Variants in ALG6 observed in about 807,000 individuals in gnomAD.
The protein encoded by ALG6 is dolichyl pyrophosphate Man9GlcNAc2 alpha-1,3-glucosyltransferase.
In ALG6, 46 loss-of-function variants were observed where a neutral mutation model predicts 66.6. The ratio of observed to expected loss-of-function variants is 0.69; its 90% CI spans 0.55 to 0.88. The LOEUF (loss-of-function observed/expected upper bound fraction) is 0.88. ALG6 is among the 40% of genes least tolerant of loss of function. The probability of loss-of-function intolerance (pLI) is 0.00; values close to 1 mark genes in which losing one functional copy is unlikely to be tolerated. For missense variants in ALG6, 505 were observed against 586.8 expected (o/e 0.86, Z 1.44); for synonymous variants, 185 against 203.7 (o/e 0.91, Z 0.78).
Position 63,396,604 on chromosome 1 carries a change from T to C in ALG6, c.167+7T>C, listed in dbSNP as rs374146302. The stretch of plus-strand genomic sequence containing the variant: ...ATTTACCGGTCAAACAATGGTATGA[T>C]AATTTTAACTTGTTTTTCTTGTTTA... On this transcript the variant is annotated splice_region_variant and intron_variant, in intron 3 of 14. Coordinates refer to ENST00000263440, the MANE Select transcript of ALG6 (RefSeq NM_013339.4). 60 of 1,606,162 alleles carry C rather than the reference T, an allele frequency of 3.7e-5. No homozygotes were observed. The highest frequency in any genetic ancestry group is 5.0e-5 in the Non-Finnish European group (59 of 1,172,968).
intron 2 of ALG6, among the ~76,000 whole-genome samples, chr1:63,383,093 G>T (rs111717449): frequency 0.015 from 2,248 of 149,794 alleles, 70 homozygotes; most frequent in African/African-American, 0.052. Flanking sequence ...GATTACAGGC[G>T]TGAGCCACCA....
intron 6 of ALG6, 58 bp downstream of exon 6, chr1:63,406,457 C>CTAT: frequency 7.0e-7 from 1 of 1,421,410 alleles, no homozygotes; most frequent in Non-Finnish European, 9.9e-7. Context: ...ATTAGTCTAA[C>CTAT]TATTAAGTAT....
intron 2 of ALG6, among the ~76,000 whole-genome samples, chr1:63,382,665 GTT>G (rs59236936): frequency 1.1e-5 from 1 of 93,600 alleles, no homozygotes; most frequent in Admixed American, 1.1e-4. Flanking sequence ...GTTTTTTTTT[GTT>G]TTTTTTTTTT....
intron 10 of ALG6, 97 bp downstream of exon 10, chr1:63,414,243 T>C (rs966160407): frequency 4.0e-5 from 38 of 952,944 alleles, no homozygotes; most frequent in Admixed American, 2.8e-4. Flanking sequence ...GGGAATGAGG[T>C]GTTTTTCTTT....
chr1:63,422,181 T>A (rs1172758331), intron 12 of ALG6, among the ~76,000 whole-genome samples: 3 of 72,616 alleles, frequency 4.1e-5, no homozygotes, highest in African/African-American at 5.9e-5. Flanking sequence ...GAATTTATAT[T>A]TATATAAATA....
intron 2 of ALG6, among the ~76,000 whole-genome samples, chr1:63,381,192 C>G (rs886662682): frequency 6.6e-6 from 1 of 152,078 alleles, no homozygotes; most frequent in Admixed American, 6.6e-5. Context: ...CGGTGGCTCA[C>G]GCCTGTAATC....
chr1:63,422,274 T>TATATAAATATATATTTATATAG (rs1644585617), intron 12 of ALG6, among the ~76,000 whole-genome samples: 2 of 39,476 alleles, frequency 5.1e-5, no homozygotes, highest in African/African-American at 3.1e-4. Flanking sequence ...TATAAATATA[T>TATATAAATATATATTTATATAG]ATATAAATAT....
At chr1:63,422,809 G>A (rs1396434794) in intron 12 of ALG6, among the ~76,000 whole-genome samples, 1 of 151,898 alleles carries the variant, frequency 6.6e-6, no homozygotes, top group African/African-American at 2.4e-5. Context: ...TACAAAATTA[G>A]CTGGGTGTGG....
intron 2 of ALG6, among the ~76,000 whole-genome samples, chr1:63,385,520 T>C (rs972726337): frequency 1.3e-5 from 2 of 152,188 alleles, no homozygotes; most frequent in African/African-American, 4.8e-5. Context: ...CTTGAGCCAC[T>C]GTGCTTGGCC....
chr1:63,406,296 G>A (rs2100416952), intron 5 of ALG6, 21 bp from the exon 6 acceptor site: 2 of 1,606,490 alleles, frequency 1.2e-6, no homozygotes, highest in South Asian at 2.2e-5. Flanking sequence ...CATGTTTAAA[G>A]TTATTTACTT....
At chr1:63,373,777 T>C (rs1321100592) in intron 2 of ALG6, among the ~76,000 whole-genome samples, 3 of 151,176 alleles carry the variant, frequency 2.0e-5, no homozygotes, top group African/African-American at 7.3e-5. Context: ...TGTGGCTAAT[T>C]GTCTGGCTAA....
At chr1:63,420,363 G>A (rs187152630) in intron 12 of ALG6, among the ~76,000 whole-genome samples, 8 of 152,196 alleles carry the variant, frequency 5.3e-5, no homozygotes, top group African/African-American at 1.4e-4. Context: ...CTGTGGAGAG[G>A]CATTACTTTC....
At chr1:63,422,678 G>A (rs1016524174) in intron 12 of ALG6, among the ~76,000 whole-genome samples, 7 of 151,516 alleles carry the variant, frequency 4.6e-5, no homozygotes, top group African/African-American at 1.7e-4. Context: ...AAAATGGGCC[G>A]GGCACAGTGG....
chr1:63,414,825 G>T (rs1644535261), intron 10 of ALG6, among the ~76,000 whole-genome samples: 1 of 152,138 alleles, frequency 6.6e-6, no homozygotes, highest in Admixed American at 6.5e-5. Context: ...CAGTTGTAGG[G>T]CCTAGCTAAG....
rs1644681692 is a variant in ALG6 at position 63,436,833 on chromosome 1, C to CA, written c.1338dup (p.Val447SerfsTer44). On this transcript the variant is annotated frameshift_variant, in exon 15 of 15. Coordinates refer to ENST00000263440, the MANE Select transcript of ALG6 (RefSeq NM_013339.4). LOFTEE classifies it high-confidence loss of function. The stretch of plus-strand genomic sequence containing the variant: ...TTTTTTTCCTTGCAGTTTCTTATCT[C>CA]AGTCATCACTATGGTGCTTCTGACG... The CA allele has an allele frequency of 1.2e-6, 2 of 1,613,770 alleles. No individual in the cohort carries two copies. Among genetic ancestry groups the CA allele is most frequent in the Non-Finnish European group, 1.7e-6 (2 of 1,179,734 alleles).
At chr1:63,422,225 A>AGATATATATCTATATG in intron 12 of ALG6, among the ~76,000 whole-genome samples, 1 of 71,584 alleles carries the variant, frequency 1.4e-5, no homozygotes, top group Non-Finnish European at 2.5e-5. Flanking sequence ...ATATTTATAT[A>AGATATATATCTATATG]AATATAAATA....
chr1:63,388,832 C>CT (rs1451776658), intron 2 of ALG6, among the ~76,000 whole-genome samples: 1 of 152,106 alleles, frequency 6.6e-6, no homozygotes, highest in African/African-American at 2.4e-5. Context: ...GGTATTTTTG[C>CT]TGGATATACT....
At chr1:63,422,607 T>C (rs1276693246) in intron 12 of ALG6, among the ~76,000 whole-genome samples, 1 of 151,190 alleles carries the variant, frequency 6.6e-6, no homozygotes, top group East Asian at 1.9e-4. Context: ...ACTGGTGACT[T>C]TGGTGGGGCC....
At chr1:63,401,813 T>C (rs1282031188) in intron 3 of ALG6, among the ~76,000 whole-genome samples, 1 of 152,168 alleles carries the variant, frequency 6.6e-6, no homozygotes, top group Non-Finnish European at 1.5e-5. Flanking sequence ...ATTAAGAAAT[T>C]ATTTTAACTT....
Sources: gnomAD v4.1 joint callset for allele counts (sites outside exome capture counted in the v4.1 genomes callset) on GRCh38, gnomAD v4.1.1 for gene constraint, MANE v1.5 for transcripts, NCBI Gene and HGNC (gene_info 2026-07-23, HGNC 2026-07-21) for gene names.